COL4A4: variants seen among roughly 807,000 people sequenced by gnomAD.
The protein encoded by COL4A4 is collagen type IV alpha 4 chain, also known as collagen alpha-4(IV) chain.
COL4A4 carries 105 observed loss-of-function variants against 192.9 expected under a neutral mutation model. The ratio of observed to expected loss-of-function variants is 0.54; its 90% confidence interval spans 0.46 to 0.64. COL4A4 has a LOEUF of 0.64. Among genes scored for constraint, COL4A4 ranks in the 30% least tolerant of loss-of-function variants. The probability of loss-of-function intolerance (pLI) is 0.00; values close to 1 mark genes in which losing one functional copy is unlikely to be tolerated. For synonymous variants in COL4A4, 762 were observed against 769.9 expected, an observed-to-expected ratio of 0.99 and a Z score of 0.17; for missense variants, 1,967 against 2,169.3, an observed-to-expected ratio of 0.91 and a Z score of 1.85.
rs1321522432 is a variant in COL4A4, at chr2:227,088,796, A to G, written c.1480T>C (p.Cys494Arg). ...GGGGGGCCCATGGGTCCAGGCTCAC[A>G]GGCACAGAGTCCTTCATTTCCTAGA... ...GEKGNEGLCA[C>R]EPGPMGPPGP... The change falls in exon 22 of 48, where the codon TGT (cysteine) becomes CGT (arginine). Residue 494 changes from cysteine (C) to arginine (R), a missense_variant. Cys to Arg is a radical substitution (Grantham distance 180). Coordinates refer to ENST00000396625, the MANE Select transcript of COL4A4 (RefSeq NM_000092.5). 4 of 1,614,172 alleles carry G rather than the reference A, an allele frequency of 2.5e-6. No homozygotes were observed. The highest frequency in any genetic ancestry group is 3.4e-6 in the Non-Finnish European group (4 of 1,180,020).
chr2:227,101,717 A>T, intron 16 of COL4A4, 148 bp downstream of exon 16: 1 of 1,042,862 alleles, frequency 9.6e-7, no homozygotes. Context: ...CAATTTTTGC[A>T]CCCACAGCTA....
intron 25 of COL4A4, among the ~76,000 whole-genome samples, chr2:227,071,441 C>A (rs540957066): frequency 6.6e-6 from 1 of 152,040 alleles, no homozygotes; most frequent in East Asian, 1.9e-4. Context: ...GACAGCAAAA[C>A]AATAATAGTG....
rs766546926 is a variant in COL4A4, at chr2:227,033,493, C to T, written c.3506-12G>A. On this transcript the variant is annotated splice_polypyrimidine_tract_variant and intron_variant, in intron 37 of 47. Coordinates refer to ENST00000396625, the MANE Select transcript of COL4A4 (RefSeq NM_000092.5). ...TGATCCGGAGGGACCTGAAAAACAC[C>T]ACAGGCCTGTGACCCAAAGGAAGAC... is the stretch of plus-strand genomic sequence containing the variant. 1.9e-6 allele frequency: 3 copies of T among 1,611,538 alleles called. No individual in the cohort carries two copies. The highest frequency in any genetic ancestry group is 1.7e-6 in the Non-Finnish European group (2 of 1,179,356).
At chr2:226,998,232 T>C (rs1245724704), downstream of COL4A4, 1 of 152,208 alleles carries the variant, frequency 6.6e-6, no homozygotes, top group African/African-American at 2.4e-5. Flanking sequence ...TCCAAAGTTG[T>C]ACATAATTGT....
chr2:227,104,053 CT>C lies in COL4A4; in HGVS notation c.736-2del. 1 of 1,610,062 alleles carries C rather than the reference CT, an allele frequency of 6.2e-7. No individual in the cohort carries two copies. Among genetic ancestry groups the C allele is most frequent in the Non-Finnish European group, 8.5e-7 (1 of 1,178,282 alleles). ...GAGAACCTTGCTGACCAACCTCACCCTTAAAAAAAAAAGCAAGATAATGAAA... is the reference window on the plus strand; with the variant it reads ...GAGAACCTTGCTGACCAACCTCACCCTAAAAAAAAAAGCAAGATAATGAAA... On this transcript the variant is annotated splice_acceptor_variant, in intron 12 of 47. Transcript: ENST00000396625. LOFTEE classifies it high-confidence loss of function.
rs1917127 is a variant in COL4A4 at position 227,030,409 on chromosome 2, A to G, written c.3973+34T>C. On this transcript the variant is annotated intron_variant, in intron 41 of 47. Coordinates refer to ENST00000396625, the MANE Select transcript of COL4A4 (RefSeq NM_000092.5). The stretch of plus-strand genomic sequence containing the variant: ...CCCTCAAGGGTAAGATAACCAAGTT[A>G]TTCACATATTACTTAACGGAACAAC... The G allele has an allele frequency of 0.44, 715,075 of 1,608,814 alleles. 161,521 individuals are homozygous for G. The highest frequency in any genetic ancestry group is 0.57 in the South Asian group (51,757 of 90,918).
intron 29 of COL4A4, among the ~76,000 whole-genome samples, chr2:227,056,349 T>C (rs1462994032): frequency 1.3e-5 from 2 of 151,956 alleles, no homozygotes; most frequent in African/African-American, 4.8e-5. Flanking sequence ...ATGTAGATTA[T>C]AAAAAATATT....
intron 25 of COL4A4, among the ~76,000 whole-genome samples, chr2:227,067,996 G>A (rs1464295811): frequency 3.5e-5 from 5 of 144,344 alleles, no homozygotes; most frequent in Non-Finnish European, 7.5e-5. Context: ...AAAAAAGAGA[G>A]AAGAATCAAA....
chr2:227,048,088 C>G (rs1211215033), intron 34 of COL4A4, among the ~76,000 whole-genome samples: 1 of 152,128 alleles, frequency 6.6e-6, no homozygotes, highest in Non-Finnish European at 1.5e-5. Flanking sequence ...AGCTACTGGT[C>G]ACTCCATAAT....
intron 44 of COL4A4, among the ~76,000 whole-genome samples, chr2:227,017,386 G>A (rs1965121561): frequency 6.6e-6 from 1 of 152,130 alleles, no homozygotes; most frequent in African/African-American, 2.4e-5. Flanking sequence ...TTCCCTACTT[G>A]GAATTAGTTT....
chr2:227,114,158 T>A (rs2124913862), intron 8 of COL4A4, among the ~76,000 whole-genome samples: 1 of 152,362 alleles, frequency 6.6e-6, no homozygotes, highest in African/African-American at 2.4e-5. Flanking sequence ...ATGTTTTAAT[T>A]ACAAATAAAT....
chr2:227,147,459 T>C lies in COL4A4; in HGVS notation c.25A>G (p.Met9Val), dbSNP rs775856971. MWSLHIVLMRCSFRLTKSL... is the reference protein window; with the variant it reads MWSLHIVLVRCSFRLTKSL... ...TTGGTCAATCTGAAGGAGCACCTCA[T>C]TAGTACTATGTGCAGAGACCACATC... Residue 9 changes from methionine (M) to valine (V), a missense_variant, in exon 2 of 48, where the codon ATG becomes GTG. By Grantham distance (21) the Met-to-Val change is conservative. Coordinates refer to ENST00000396625, the MANE Select transcript of COL4A4 (RefSeq NM_000092.5). The C allele has an allele frequency of 1.2e-6, 2 of 1,613,862 alleles. No homozygotes were observed. The highest frequency in any genetic ancestry group is 3.3e-5 in the Admixed American group (2 of 60,002).
intron 16 of COL4A4, 140 bp downstream of exon 16, chr2:227,101,725 C>G (rs1402644810): frequency 6.7e-6 from 7 of 1,044,954 alleles, no homozygotes; most frequent in Non-Finnish European, 1.0e-5. Context: ...GCACCCACAG[C>G]TAAATCCTGC....
chr2:227,116,837 G>A (rs969476992), intron 7 of COL4A4, among the ~76,000 whole-genome samples: 1 of 151,018 alleles, frequency 6.6e-6, no homozygotes, highest in African/African-American at 2.5e-5. Flanking sequence ...AAACAGATCC[G>A]AACTTAGGAG....
At chr2:227,147,220 T>C (rs903491089) in intron 2 of COL4A4, 193 bp downstream of exon 2, 1 of 705,606 alleles carries the variant, frequency 1.4e-6, no homozygotes, top group African/African-American at 1.7e-5. Flanking sequence ...ATTTTGTGGA[T>C]GCATTTCAGG....
intron 46 of COL4A4, 99 bp from the exon 47 acceptor site, chr2:227,008,403 G>C: frequency 3.0e-6 from 4 of 1,346,642 alleles, no homozygotes; most frequent in Middle Eastern, 2.1e-4. Flanking sequence ...TACGTGTTCT[G>C]AAATCTGGAG....
intron 4 of COL4A4, among the ~76,000 whole-genome samples, chr2:227,139,817 T>C (rs2063078866): frequency 6.6e-6 from 1 of 152,220 alleles, no homozygotes; most frequent in Admixed American, 6.5e-5. Context: ...CTTGGATTTT[T>C]TTCTACCAAC....
Position 227,060,119 on chromosome 2 carries a change from A to AAAAAC in COL4A4, c.2164+16_2164+17insGTTTT, listed in dbSNP as rs1976575882. 1 of 1,391,168 alleles carries AAAAAC rather than the reference A, an allele frequency of 7.2e-7. No individual in the cohort carries two copies. Among genetic ancestry groups the AAAAAC allele is most frequent in the Non-Finnish European group, 9.9e-7 (1 of 1,010,628 alleles). 86.2% of individuals were successfully genotyped at this position (1,391,168 alleles called of 1,614,324 possible). ...CAAAGCAGAAAAAAAAAAAAAAAAA[A>AAAAAC]AAAAAACCTCACTGACCAGGTGGAC... On this transcript the variant is annotated intron_variant, in intron 27 of 47. Transcript: ENST00000396625.
Position 227,088,790 on chromosome 2 carries a change from G to A in COL4A4, c.1486C>T (p.Pro496Ser). The A allele has an allele frequency of 6.2e-7, 1 of 1,614,146 alleles. No individual in the cohort carries two copies. Among genetic ancestry groups the A allele is most frequent in the Non-Finnish European group, 8.5e-7 (1 of 1,180,028 alleles). ...GGGCCAGGGGGGCCCATGGGTCCAG[G>A]CTCACAGGCACAGAGTCCTTCATTT... is the stretch of plus-strand genomic sequence containing the variant. ...KGNEGLCACE[P>S]GPMGPPGPPG... The change falls in exon 22 of 48, where the codon CCT (proline) becomes TCT (serine). Residue 496 changes from proline to serine, a missense_variant. Pro to Ser is a moderately conservative substitution (Grantham distance 74, BLOSUM62 -1). Coordinates refer to ENST00000396625, the MANE Select transcript of COL4A4 (RefSeq NM_000092.5).
Sources: gnomAD v4.1 joint callset for allele counts (sites outside exome capture counted in the v4.1 genomes callset) on GRCh38, gnomAD v4.1.1 for gene constraint, MANE v1.5 for transcripts, NCBI Gene and HGNC (gene_info 2026-07-23, HGNC 2026-07-21) for gene names.